The following MYO16 variants were observed in gnomAD, a reference collection of about 807,000 sequenced individuals.
MYO16 encodes the protein unconventional myosin-XVI.
A neutral mutation model predicts 205.3 loss-of-function variants in MYO16; 94 were observed. The ratio of observed to expected loss-of-function variants is 0.46; its 90% CI spans 0.39 to 0.54. The LOEUF (loss-of-function observed/expected upper bound fraction) is 0.54. MYO16 is among the 20% of genes least tolerant of loss of function. The probability of loss-of-function intolerance (pLI) is 0.00; values close to 1 mark genes in which losing one functional copy is unlikely to be tolerated. For synonymous variants in MYO16, 988 were observed against 954.0 expected, an observed-to-expected ratio of 1.04 and a Z score of -0.66; for missense variants, 2,315 against 2,387.5, an observed-to-expected ratio of 0.97 and a Z score of 0.63.
intron 31 of MYO16, among the ~76,000 whole-genome samples, chr13:109,133,876 G>T (rs1876652140): frequency 6.6e-6 from 1 of 152,162 alleles, no homozygotes; most frequent in Non-Finnish European, 1.5e-5. Context: ...ACTTTAATTT[G>T]TTAACTGTGG....
chr13:108,625,441 T>C (rs536135186), upstream of MYO16, among the ~76,000 whole-genome samples: 4 of 152,270 alleles, frequency 2.6e-5, no homozygotes, highest in South Asian at 8.3e-4. Flanking sequence ...ATGCCTTATT[T>C]TTTGACAACT....
chr13:108,756,944 G>A (rs947478325), intron 4 of MYO16, among the ~76,000 whole-genome samples: 8 of 152,124 alleles, frequency 5.3e-5, no homozygotes, highest in African/African-American at 1.4e-4. Flanking sequence ...GGCTTAATAC[G>A]ACAACTTGCT....
At chr13:108,859,658 A>T (rs951300213) in intron 11 of MYO16, among the ~76,000 whole-genome samples, 2 of 152,172 alleles carry the variant, frequency 1.3e-5, no homozygotes, top group Non-Finnish European at 2.9e-5. Context: ...CTCGCCAGGA[A>T]ATGCACAGAA....
intron 12 of MYO16, 46 bp from the exon 13 acceptor site, chr13:108,883,013 C>G (rs767561657): frequency 6.2e-7 from 1 of 1,603,080 alleles, no homozygotes; most frequent in African/African-American, 1.3e-5. Flanking sequence ...GGAATACTGG[C>G]GCCTTTTCAC....
At chr13:108,793,109 C>T (rs1020194685) in intron 5 of MYO16, among the ~76,000 whole-genome samples, 4 of 151,830 alleles carry the variant, frequency 2.6e-5, no homozygotes, top group African/African-American at 9.7e-5. Flanking sequence ...CCGTGAAACC[C>T]CATCTCTACT....
intron 9 of MYO16, among the ~76,000 whole-genome samples, chr13:108,843,458 G>C (rs1877351611): frequency 6.6e-6 from 1 of 151,674 alleles, no homozygotes; most frequent in Non-Finnish European, 1.5e-5. Flanking sequence ...AACAACAAAG[G>C]GTGAATTTTA....
intron 32 of MYO16, among the ~76,000 whole-genome samples, chr13:109,148,526 C>T (rs893288721): frequency 2.0e-5 from 3 of 152,176 alleles, no homozygotes; most frequent in Admixed American, 6.5e-5. Flanking sequence ...ATATAAGAGA[C>T]AGAAGGTGCA....
chr13:108,793,100 C>T (rs1433987012), intron 5 of MYO16, among the ~76,000 whole-genome samples: 1 of 151,756 alleles, frequency 6.6e-6, no homozygotes, highest in Non-Finnish European at 1.5e-5. Context: ...TGGCTAACAC[C>T]GTGAAACCCC....
chr13:108,767,131 C>G (rs180880441), intron 4 of MYO16, among the ~76,000 whole-genome samples: 70 of 152,068 alleles, frequency 4.6e-4, no homozygotes, highest in African/African-American at 1.6e-3. Flanking sequence ...GACAGGGAGT[C>G]TCTCTCTGTC....
chr13:108,845,546 G>A (rs920186990), intron 10 of MYO16, among the ~76,000 whole-genome samples: 3 of 152,078 alleles, frequency 2.0e-5, no homozygotes, highest in Non-Finnish European at 4.4e-5. Flanking sequence ...GAGCAATCTT[G>A]TAGGCTTAGG....
intron 23 of MYO16, among the ~76,000 whole-genome samples, chr13:109,041,580 A>T (rs551356721): frequency 6.1e-4 from 93 of 152,310 alleles, no homozygotes; most frequent in African/African-American, 2.2e-3. Context: ...TTGTTTATAA[A>T]TTGGCAACAT....
At chr13:108,828,931 C>G (rs1282572464) in intron 9 of MYO16, among the ~76,000 whole-genome samples, 1 of 152,192 alleles carries the variant, frequency 6.6e-6, no homozygotes, top group Non-Finnish European at 1.5e-5. Context: ...ATTTGTTTGC[C>G]AGTCTTGTCT....
At chr13:108,861,576 G>A (rs865859757) in intron 11 of MYO16, among the ~76,000 whole-genome samples, 1 of 152,152 alleles carries the variant, frequency 6.6e-6, no homozygotes, top group Non-Finnish European at 1.5e-5. Flanking sequence ...AGCTTTGGTA[G>A]ATACAACCCA....
chr13:109,016,190 A>AT (rs1366972930), intron 22 of MYO16, among the ~76,000 whole-genome samples: 2 of 152,160 alleles, frequency 1.3e-5, no homozygotes, highest in Admixed American at 1.3e-4. Context: ...TTCAAAGAAC[A>AT]TCTTTATTTC....
intron 4 of MYO16, among the ~76,000 whole-genome samples, chr13:108,751,263 A>G (rs1248443484): frequency 6.6e-6 from 1 of 152,140 alleles, no homozygotes; most frequent in Non-Finnish European, 1.5e-5. Context: ...TGAAATTTAC[A>G]AGAAAAGCCT....
In MYO16 at chr13:108,640,589, C is replaced by T. The variant is rs573658521; in HGVS notation, c.28+10717C>T. 2.6e-5 allele frequency among the ~76,000 whole-genome samples: 4 copies of T among 152,288 alleles called. No homozygotes were observed. The South Asian group carries it at 6.2e-4, about 24-fold the overall frequency. On this transcript the variant is annotated intron_variant, in intron 1 of 34. Coordinates refer to ENST00000457511, the MANE Select transcript of MYO16 (RefSeq NM_001198950.3). ...AGGTCACATGTGCTGATATGTGCATCTTCTTCCTCATCTTTGGAAAGTGAA... is the reference window on the plus strand; with the variant it reads ...AGGTCACATGTGCTGATATGTGCATTTTCTTCCTCATCTTTGGAAAGTGAA...
At chr13:108,898,550 G>A (rs565826173) in intron 15 of MYO16, among the ~76,000 whole-genome samples, 1 of 152,068 alleles carries the variant, frequency 6.6e-6, no homozygotes, top group African/African-American at 2.4e-5. Flanking sequence ...GCTGAACATA[G>A]AAACAAACTC....
chr13:108,642,102 C>A (rs1440478766), intron 1 of MYO16, among the ~76,000 whole-genome samples: 1 of 152,134 alleles, frequency 6.6e-6, no homozygotes, highest in Non-Finnish European at 1.5e-5. Flanking sequence ...ATGATACCAT[C>A]CCAATTCATT....
At chr13:108,524,240 C>T in the MYO16 span, among the ~76,000 whole-genome samples, 5 of 151,790 alleles carry the variant, frequency 3.3e-5, no homozygotes, top group African/African-American at 1.2e-4. Context: ...GCAGAGGTTG[C>T]AGTGAGCCGA....
Sources: gnomAD v4.1 joint callset for allele counts (sites outside exome capture counted in the v4.1 genomes callset) on GRCh38, gnomAD v4.1.1 for gene constraint, MANE v1.5 for transcripts, NCBI Gene and HGNC (gene_info 2026-07-23, HGNC 2026-07-21) for gene names.